Variants in NDUFA7 observed in about 807,000 individuals in gnomAD.
The protein encoded by NDUFA7 is NADH:ubiquinone oxidoreductase subunit A7.
In NDUFA7, 18 loss-of-function variants were observed where a neutral mutation model predicts 14.2. The ratio of observed to expected loss-of-function variants is 1.27; its 90% CI spans 0.88 to 1.88. The LOEUF is 1.88. NDUFA7 is among the 40% of genes most tolerant of loss of function. The pLI is 0.00. For synonymous variants in NDUFA7, 75 were observed against 62.1 expected (o/e 1.21, Z -0.98); for missense variants, 172 against 147.3 (o/e 1.17, Z -0.87).
intron 3 of NDUFA7, among the ~76,000 whole-genome samples, chr19:8,312,685 A>G (rs576491029): frequency 6.6e-6 from 1 of 152,132 alleles, no homozygotes; most frequent in South Asian, 2.1e-4. Flanking sequence ...TTTATGAGAC[A>G]GGGTCTCACT....
chr19:8,312,180 C>T (rs542601547), intron 3 of NDUFA7, among the ~76,000 whole-genome samples: 3 of 152,332 alleles, frequency 2.0e-5, no homozygotes, highest in South Asian at 2.1e-4. Context: ...GACCCTGTGC[C>T]GGCAAGTCCA....
At chr19:8,309,940 C>T (rs1034222292), downstream of NDUFA7, among the ~76,000 whole-genome samples, 2 of 152,198 alleles carry the variant, frequency 1.3e-5, no homozygotes, top group Non-Finnish European at 2.9e-5. Flanking sequence ...TCATTCTTAT[C>T]CCACAGCCCC....
intron 2 of NDUFA7, among the ~76,000 whole-genome samples, chr19:8,317,304 T>C (rs549939937): frequency 2.1e-4 from 32 of 152,212 alleles, no homozygotes; most frequent in Middle Eastern, 3.4e-3. Flanking sequence ...GGGTGGCTCA[T>C]GCCTGTAATC....
rs1490659835 is a variant in NDUFA7, at chr19:8,314,898, GA to G, written c.251+1597del. 2.0e-5 allele frequency among the ~76,000 whole-genome samples: 3 copies of G among 152,148 alleles called. No homozygotes were observed. In the East Asian group the frequency reaches 5.8e-4, roughly 29 times the overall value. ...CCACTGCACTCCAGCCTGGTGTGGGGATAAGAAAGAGAAATCAGATTGTTAA... is the reference window on the plus strand; with the variant it reads ...CCACTGCACTCCAGCCTGGTGTGGGGTAAGAAAGAGAAATCAGATTGTTAA... On this transcript the variant is annotated intron_variant, in intron 3 of 3. Coordinates refer to ENST00000301457, the MANE Select transcript of NDUFA7 (RefSeq NM_005001.5).
chr19:8,317,473 C>T (rs1250332073), intron 2 of NDUFA7, among the ~76,000 whole-genome samples: 1 of 152,114 alleles, frequency 6.6e-6, no homozygotes, highest in Non-Finnish European at 1.5e-5. Context: ...CACGCCACTA[C>T]ACTCCAGCCT....
chr19:8,318,700 G>A (rs1476891788), intron 2 of NDUFA7, among the ~76,000 whole-genome samples: 1 of 141,284 alleles, frequency 7.1e-6, no homozygotes, highest in African/African-American at 2.6e-5. Context: ...AAGGCCAGGC[G>A]CGGTGGCTCA....
intron 1 of NDUFA7, 110 bp from the exon 2 acceptor site, chr19:8,321,016 G>A (rs1362160516): frequency 7.9e-7 from 1 of 1,263,042 alleles, no homozygotes; most frequent in South Asian, 1.2e-5. Flanking sequence ...AGGGAAGGCA[G>A]GGGATGAACA....
At chr19:8,319,606 A>G (rs1348496080) in intron 2 of NDUFA7, 1 of 151,998 alleles carries the variant, frequency 6.6e-6, no homozygotes, top group Admixed American at 6.6e-5. Flanking sequence ...TGATACTTCT[A>G]ATATTTGGAA....
At chr19:8,318,682 A>T in intron 2 of NDUFA7, among the ~76,000 whole-genome samples, 1 of 146,878 alleles carries the variant, frequency 6.8e-6, no homozygotes, top group Non-Finnish European at 1.5e-5. Flanking sequence ...AAAAAAAAAA[A>T]AAAAAAAAAG....
chr19:8,321,316 C>T lies in NDUFA7; in HGVS notation c.43G>A (p.Ala15Thr). The T allele has an allele frequency of 4.4e-6, 7 of 1,576,852 alleles. No homozygotes were observed. The highest frequency in any genetic ancestry group is 6.0e-6 in the Non-Finnish European group (7 of 1,164,590). Residue 15 changes from alanine to threonine, a missense_variant, in exon 1 of 4, where the codon GCG (alanine) becomes ACG (threonine). Transcript: ENST00000301457. The part of the protein sequence containing the change: ...TRLIQRLRNW[A>T]SGHDLQGKLQ... ...CTGTCCGCCCCGCGCACCCCGGACG[C>T]CCAGTTCCGCAGCCGCTGGATGAGA... is the stretch of plus-strand genomic sequence containing the variant.
chr19:8,316,548 A>C lies in NDUFA7; in HGVS notation c.199T>G (p.Ser67Ala). The change falls in exon 3 of 4, where the codon TCC (serine) becomes GCC (alanine). Residue 67 changes from serine (S) to alanine (A), a missense_variant. Ser to Ala is a moderately conservative substitution (Grantham distance 99). Transcript: ENST00000301457. ...RDGRRESVPPSIIMSSQKALV... is the reference protein window; with the variant it reads ...RDGRRESVPPAIIMSSQKALV... ...GCCTTCTGCGACGACATGATGATGG[A>C]AGGGGGCACAGATTCCCGGCGGCCA... 1 of 1,614,078 alleles carries C rather than the reference A, an allele frequency of 6.2e-7. No homozygotes were observed. The highest frequency in any genetic ancestry group is 8.5e-7 in the Non-Finnish European group (1 of 1,180,024).
Position 8,311,790 on chromosome 19 carries a change from G to A in NDUFA7, c.252-195C>T, listed in dbSNP as rs191608807. Among the ~76,000 whole-genome samples, 838 of 152,272 alleles carry A rather than the reference G, an allele frequency of 5.5e-3. 92 individuals are homozygous for A. The South Asian group carries it at 0.17, about 31-fold the overall frequency. On this transcript the variant is annotated intron_variant, in intron 3 of 3. Transcript: ENST00000301457. ...ATCAGCCAACGCCAGGTGGGAGCTA[G>A]CAAGCCTCCTCTCTCCCCTGAGCCC... is the stretch of plus-strand genomic sequence containing the variant.
Position 8,311,512 on chromosome 19 carries a change from T to G in NDUFA7, c.335A>C (p.Tyr112Ser), listed in dbSNP as rs1411373420. 1.1e-5 allele frequency: 17 copies of G among 1,608,940 alleles called. No individual in the cohort carries two copies. The highest frequency in any genetic ancestry group is 1.4e-5 in the Non-Finnish European group (17 of 1,177,480). Reference sequence around the variant, plus strand: ...GGCCGTGAGGGTGCAGTGTCACAGGTAAGGCTGGTCCGAGGACAGCTCCCA... The same window carrying G: ...GGCCGTGAGGGTGCAGTGTCACAGGGAAGGCTGGTCCGAGGACAGCTCCCA... ...KRWELSSDQP[Y>S]L is the part of the protein sequence containing the mutation. Residue 112 changes from tyrosine (Y) to serine (S), a missense_variant, in exon 4 of 4, where the codon TAC becomes TCC. Physicochemically the swap from Tyr to Ser is moderately radical, Grantham distance 144 (BLOSUM62 -2). Transcript: ENST00000301457.
chr19:8,309,970 C>G (rs1024046843), downstream of NDUFA7, among the ~76,000 whole-genome samples: 1 of 152,210 alleles, frequency 6.6e-6, no homozygotes, highest in Admixed American at 6.5e-5. Flanking sequence ...GGATCTGGCT[C>G]AGGGAGGCCT....
chr19:8,315,540 T>C (rs1970222882), intron 3 of NDUFA7, among the ~76,000 whole-genome samples: 1 of 152,210 alleles, frequency 6.6e-6, no homozygotes, highest in Admixed American at 6.5e-5. Context: ...TTGTTTATGA[T>C]GCAGAGACTT....
chr19:8,318,964 G>A (rs1970268228), intron 2 of NDUFA7, among the ~76,000 whole-genome samples: 1 of 148,176 alleles, frequency 6.7e-6, no homozygotes, highest in African/African-American at 2.5e-5. Context: ...GTGAGACTCT[G>A]TCTCAAAAAA....
intron 3 of NDUFA7, among the ~76,000 whole-genome samples, chr19:8,315,359 C>T (rs1332677327): frequency 6.6e-6 from 1 of 151,946 alleles, no homozygotes; most frequent in African/African-American, 2.4e-5. Flanking sequence ...CTGCCCTTCC[C>T]TGGGCAATGG....
intron 3 of NDUFA7, among the ~76,000 whole-genome samples, chr19:8,316,117 C>T (rs1415343487): frequency 7.0e-6 from 1 of 142,672 alleles, no homozygotes; most frequent in African/African-American, 2.7e-5. Context: ...CCACTGCACT[C>T]CAGCCTGGGT....
intron 2 of NDUFA7, among the ~76,000 whole-genome samples, chr19:8,318,725 G>C (rs1970265296): frequency 7.3e-6 from 1 of 136,876 alleles, no homozygotes; most frequent in Non-Finnish European, 1.5e-5. Context: ...TGTAATCCCA[G>C]CACTTTGGGA....
Sources: allele counts gnomAD v4.1 joint callset (sites outside exome capture counted in the v4.1 genomes callset), GRCh38; gene constraint gnomAD v4.1.1; transcripts MANE v1.5; gene names NCBI Gene and HGNC (gene_info 2026-07-23, HGNC 2026-07-21).